ANK2: variants seen among roughly 807,000 people sequenced by gnomAD.
ANK2 encodes ankyrin-2.
Under a neutral mutation model 360.5 loss-of-function variants are expected in ANK2, and 83 were observed. That is an observed-to-expected ratio of 0.23 (90% confidence interval 0.19 to 0.28). ANK2 has a LOEUF of 0.28. Among genes scored for constraint, ANK2 ranks in the 10% least tolerant of loss-of-function variants. The pLI, the probability that ANK2 is intolerant of heterozygous loss-of-function variation, is 1.00. For missense variants in ANK2, 4,201 were observed against 4,795.7 expected (o/e 0.88, Z 3.66); for synonymous variants, 1,740 against 1,759.5 (o/e 0.99, Z 0.28).
intron 2 of ANK2, among the ~76,000 whole-genome samples, chr4:112,920,073 A>G (rs1170284666): frequency 6.6e-6 from 1 of 152,120 alleles, no homozygotes; most frequent in Non-Finnish European, 1.5e-5. Flanking sequence ...GTATTGTAGG[A>G]GTAAAAGTTC....
chr4:112,868,952 A>G (rs2071729704), intron 1 of ANK2, among the ~76,000 whole-genome samples: 1 of 151,862 alleles, frequency 6.6e-6, no homozygotes, highest in Non-Finnish European at 1.5e-5. Flanking sequence ...TTGTCTTTTC[A>G]GTTTCTTTTA....
intron 2 of ANK2, among the ~76,000 whole-genome samples, chr4:112,992,928 A>G (rs766368839): frequency 4.6e-5 from 7 of 152,186 alleles, no homozygotes; most frequent in Non-Finnish European, 8.8e-5. Flanking sequence ...CAAATGTGTT[A>G]TATCTGAAAG....
chr4:113,086,588 A>C (rs2084902839), intron 1 of ANK2, among the ~76,000 whole-genome samples: 1 of 152,204 alleles, frequency 6.6e-6, no homozygotes, highest in Non-Finnish European at 1.5e-5. Context: ...GACAATTAAC[A>C]CATAAGCCAA....
At position 113,343,091 on chromosome 4, in the gene ANK2, T is replaced by C. The variant is rs1382331849; in HGVS notation, c.4197T>C (p.His1399=). The change falls in exon 34 of 46, where the codon CAT becomes CAC. Residue 1399 remains histidine (H), a synonymous_variant. Coordinates refer to ENST00000357077, the MANE Select transcript of ANK2 (RefSeq NM_001148.6). ...CATTAACTAAAAGTGGCCAGCATCA[T>C]ATATTCAGTTTTTTTGCCTTCAAAG... ...LVPLTKSGQH[H]IFSFFAFKEN... is the part of the protein sequence containing the mutation. 5 of 1,613,876 alleles carry C rather than the reference T, an allele frequency of 3.1e-6. No individual in the cohort carries two copies. Among genetic ancestry groups the C allele is most frequent in the East Asian group, 2.2e-5 (1 of 44,850 alleles).
chr4:113,168,237 C>G (rs1169113619), intron 1 of ANK2, among the ~76,000 whole-genome samples: 2 of 152,176 alleles, frequency 1.3e-5, no homozygotes, highest in Non-Finnish European at 2.9e-5. Context: ...CAAATAATCT[C>G]TCACTTAAAA....
chr4:113,374,881 G>T, intron 45 of ANK2: 2 of 1,268,598 alleles, frequency 1.6e-6, no homozygotes, highest in Non-Finnish European at 2.0e-6. Flanking sequence ...AGAGAGGATG[G>T]AGAAACATCT....
intron 8 of ANK2, 82 bp from the exon 9 acceptor site, chr4:113,242,029 C>G (rs967500015): frequency 9.0e-7 from 1 of 1,108,358 alleles, no homozygotes; most frequent in Non-Finnish European, 1.4e-6. Flanking sequence ...GTCACAACTT[C>G]CTTTGTGGCC....
intron 2 of ANK2, among the ~76,000 whole-genome samples, chr4:112,952,337 A>G (rs1410581432): frequency 1.3e-5 from 2 of 152,226 alleles, no homozygotes; most frequent in East Asian, 3.8e-4. Flanking sequence ...AACTTGTTTG[A>G]CTATAAGTTT....
chr4:112,847,683 C>A (rs564481785), intron 1 of ANK2, among the ~76,000 whole-genome samples: 1 of 151,994 alleles, frequency 6.6e-6, no homozygotes, highest in Non-Finnish European at 1.5e-5. Flanking sequence ...CCTCCTTTTC[C>A]CCCTTAAAAT....
intron 22 of ANK2, among the ~76,000 whole-genome samples, chr4:113,294,557 G>T (rs1017297310): frequency 6.6e-6 from 1 of 152,182 alleles, no homozygotes; most frequent in Admixed American, 6.5e-5. Context: ...AAGGAATTTT[G>T]TTCTTCAGGC....
chr4:112,958,019 T>C (rs2031637861), intron 2 of ANK2, among the ~76,000 whole-genome samples: 1 of 150,652 alleles, frequency 6.6e-6, no homozygotes, highest in Admixed American at 6.6e-5. Context: ...GAGACGCTCC[T>C]CACTTCCTAG....
At chr4:112,776,057 G>T in the ANK2 span, among the ~76,000 whole-genome samples, 1 of 152,160 alleles carries the variant, frequency 6.6e-6, no homozygotes, top group African/African-American at 2.4e-5. Context: ...CCTAGGGAAC[G>T]TGTAGTGAGA....
chr4:112,860,961 T>A (rs955604656), intron 1 of ANK2, among the ~76,000 whole-genome samples: 1 of 152,224 alleles, frequency 6.6e-6, no homozygotes, highest in African/African-American at 2.4e-5. Context: ...GGGAAGGTAG[T>A]TAAAGCTAAA....
intron 2 of ANK2, among the ~76,000 whole-genome samples, chr4:112,985,775 G>A (rs961080044): frequency 3.3e-5 from 5 of 152,022 alleles, no homozygotes; most frequent in Non-Finnish European, 5.9e-5. Context: ...GAAGATTCAG[G>A]GACAGTAGGC....
chr4:113,258,917 A>T (rs1210553830), intron 13 of ANK2, among the ~76,000 whole-genome samples: 1 of 152,054 alleles, frequency 6.6e-6, no homozygotes, highest in Non-Finnish European at 1.5e-5. Context: ...AATTACATGG[A>T]TTTCCCATTT....
At chr4:113,295,460 A>G (rs1461280605) in intron 22 of ANK2, among the ~76,000 whole-genome samples, 1 of 152,174 alleles carries the variant, frequency 6.6e-6, no homozygotes, top group Non-Finnish European at 1.5e-5. Flanking sequence ...GTCTCTAAAT[A>G]CTGTAATTGC....
intron 1 of ANK2, among the ~76,000 whole-genome samples, chr4:113,145,204 G>T (rs2096783719): frequency 6.6e-6 from 1 of 152,152 alleles, no homozygotes; most frequent in Non-Finnish European, 1.5e-5. Flanking sequence ...GCCATTTGAT[G>T]GATGTGTTTC....
chr4:113,341,743 G>A lies in ANK2; in HGVS notation c.3949G>A (p.Val1317Ile), dbSNP rs146261470. The change falls in exon 33 of 46, where the codon GTA (valine) becomes ATA (isoleucine). Residue 1317 changes from valine to isoleucine, a missense_variant. Physicochemically the swap from Val to Ile is conservative, Grantham distance 29 (BLOSUM62 3). Coordinates refer to ENST00000357077, the MANE Select transcript of ANK2 (RefSeq NM_001148.6). Reference protein sequence around the residue: ...IQESVTFASQVYREIICVPYM... With the variant: ...IQESVTFASQIYREIICVPYM... ...GGAATCCGTTACTTTTGCATCACAAGTATACAGAGAAATTATCTGCGTACC... is the reference window on the plus strand; with the variant it reads ...GGAATCCGTTACTTTTGCATCACAAATATACAGAGAAATTATCTGCGTACC... 22 of 1,614,016 alleles carry A rather than the reference G, an allele frequency of 1.4e-5. No individual in the cohort carries two copies. The highest frequency in any genetic ancestry group is 1.8e-5 in the Non-Finnish European group (21 of 1,180,018).
At chr4:113,030,404 T>TC in intron 2 of ANK2, among the ~76,000 whole-genome samples, 1 of 152,234 alleles carries the variant, frequency 6.6e-6, no homozygotes, top group East Asian at 1.9e-4. Context: ...ACAACAGGAC[T>TC]GGTTTGGGGC....
Sources: allele counts gnomAD v4.1 joint callset (sites outside exome capture counted in the v4.1 genomes callset), GRCh38; gene constraint gnomAD v4.1.1; transcripts MANE v1.5; gene names NCBI Gene and HGNC (gene_info 2026-07-23, HGNC 2026-07-21).